The following MED15 variants were observed in gnomAD, a reference collection of about 807,000 sequenced individuals.
MED15 encodes the protein mediator complex subunit 15, also known as mediator of RNA polymerase II transcription subunit 15.
MED15 carries 41 observed loss-of-function variants against 118.7 expected under a neutral mutation model. That is an observed-to-expected ratio of 0.35 (90% CI 0.27 to 0.45). The LOEUF (loss-of-function observed/expected upper bound fraction) is 0.45. Ranked by LOEUF, MED15 falls within the 20% of genes least tolerant of loss-of-function variation. The pLI, the probability that MED15 is intolerant of heterozygous loss-of-function variation, is 1.00. For missense variants in MED15, 740 were observed against 1,025.5 expected, an observed-to-expected ratio of 0.72 and a Z score of 3.80; for synonymous variants, 436 against 413.9, an observed-to-expected ratio of 1.05 and a Z score of -0.65.
chr22:20,537,202 C>T lies in MED15; in HGVS notation c.154C>T (p.Arg52Trp). 1.2e-6 allele frequency: 2 copies of T among 1,612,008 alleles called. No homozygotes were observed. The highest frequency in any genetic ancestry group is 1.7e-6 in the Non-Finnish European group (2 of 1,179,226). Residue 52 changes from arginine to tryptophan, a missense_variant and splice_region_variant, in exon 2 of 18, where the codon CGG (arginine) becomes TGG (tryptophan). By Grantham distance (101) the Arg-to-Trp change is moderately radical (BLOSUM62 -3). This residue lies in a region of MED15 where 33 missense variants were observed against 78.2 expected (regional missense o/e 0.42). Transcript: ENST00000263205. ...CCATGTTTTCCTGAAGGCCAAGACC[C>T]GGGTAAGGCCCTAGTAAGTGGAGCC... ...ESHVFLKAKT[R>W]DEYLSLVARL...
At chr22:20,577,064 T>C in intron 9 of MED15, among the ~76,000 whole-genome samples, 1 of 152,194 alleles carries the variant, frequency 6.6e-6, no homozygotes, top group Non-Finnish European at 1.5e-5. Context: ...CCTCACTGTT[T>C]CTTGTTGTAG....
intron 5 of MED15, among the ~76,000 whole-genome samples, chr22:20,555,746 G>T (rs177420): frequency 0.14 from 22,010 of 152,266 alleles, 1,946 homozygotes; most frequent in South Asian, 0.21. Flanking sequence ...TTTTGAGACG[G>T]GGTCTCGCTC....
chr22:20,521,324 T>G (rs2054447113), intron 1 of MED15, among the ~76,000 whole-genome samples: 1 of 151,922 alleles, frequency 6.6e-6, no homozygotes, highest in Admixed American at 6.6e-5. Flanking sequence ...CTCGAACTCC[T>G]GACCTCAGGG....
chr22:20,583,334 A>T lies in MED15; in HGVS notation c.1677A>T (p.Arg559Ser). 1 of 1,612,946 alleles carries T rather than the reference A, an allele frequency of 6.2e-7. No individual in the cohort carries two copies. Among genetic ancestry groups the T allele is most frequent in the Non-Finnish European group, 8.5e-7 (1 of 1,179,848 alleles). Reference sequence around the variant, plus strand: ...GTGTACCCTCTTCTGTCCCAGACAGAAAAAAGGACCTGAGTAAGATGAAGA... The same window carrying T: ...GTGTACCCTCTTCTGTCCCAGACAGTAAAAAGGACCTGAGTAAGATGAAGA... ...MINKIDKNED[R>S]KKDLSKMKSL... Residue 559 changes from arginine to serine, a missense_variant, in exon 13 of 18, where the codon AGA becomes AGT. Arg to Ser is a moderately radical substitution (Grantham distance 110, BLOSUM62 -1). This residue lies in a region of MED15 where 384 missense variants were observed against 506.3 expected (regional missense o/e 0.76). Coordinates refer to ENST00000263205, the MANE Select transcript of MED15 (RefSeq NM_001003891.3).
chr22:20,560,062 G>A (rs1569220755), intron 5 of MED15, among the ~76,000 whole-genome samples: 1 of 152,102 alleles, frequency 6.6e-6, no homozygotes, highest in East Asian at 1.9e-4. Flanking sequence ...TGCGTAATGG[G>A]TGGAGACCAG....
rs763547842 is a variant in MED15, at chr22:20,566,788, A to G, written c.1012A>G (p.Met338Val). 11 of 1,614,064 alleles carry G rather than the reference A, an allele frequency of 6.8e-6. No homozygotes were observed. Among genetic ancestry groups the G allele is most frequent in the South Asian group, 2.2e-5 (2 of 91,088 alleles). The change falls in exon 7 of 18, where the codon ATG becomes GTG. Residue 338 changes from methionine to valine, a missense_variant. Physicochemically the swap from Met to Val is conservative, Grantham distance 21 (BLOSUM62 1). Around this residue, in one of 7 missense-constraint regions of MED15, gnomAD observed 384 missense variants for 506.3 expected, o/e 0.76. Transcript: ENST00000263205. ...ACAGGCGCAAGCTCTCCCTGGACAA[A>G]TGTTGTATACCCAACCACCACTGAA... Reference protein sequence around the residue: ...VSQAQALPGQMLYTQPPLKFV... With the variant: ...VSQAQALPGQVLYTQPPLKFV...
At chr22:20,534,542 A>G (rs1200391441) in intron 1 of MED15, among the ~76,000 whole-genome samples, 1 of 151,834 alleles carries the variant, frequency 6.6e-6, no homozygotes, top group Non-Finnish European at 1.5e-5. Context: ...GAAGAAAAAG[A>G]AAAAAGGAAG....
At chr22:20,568,695 G>A (rs1383194317) in intron 8 of MED15, 64 bp downstream of exon 8, 3 of 1,570,518 alleles carry the variant, frequency 1.9e-6, no homozygotes, top group Non-Finnish European at 1.7e-6. Flanking sequence ...TGCGCATGTA[G>A]TGCTACAGTG....
In MED15 at chr22:20,558,341, G is replaced by A. The variant is rs555835151; in HGVS notation, c.451+3193G>A. Among the ~76,000 whole-genome samples, 167 of 152,242 alleles carry A rather than the reference G, an allele frequency of 1.1e-3. 1 individual carries two copies. Among genetic ancestry groups the A allele is most frequent in the South Asian group, 3.1e-3 (15 of 4,810 alleles). ...CACCAAGAGGACAGAGCCTGGGTCA[G>A]AGGTTTTGCCAGGGACTCTCAAAGG... is the stretch of plus-strand genomic sequence containing the variant. On this transcript the variant is annotated intron_variant, in intron 5 of 17. Coordinates refer to ENST00000263205, the MANE Select transcript of MED15 (RefSeq NM_001003891.3).
At position 20,571,695 on chromosome 22, in the gene MED15, G is replaced by A. The variant is rs375141976; in HGVS notation, c.1152+3064G>A. The stretch of plus-strand genomic sequence containing the variant: ...CGCCCCCTGCTGGGGGATGGGGAGG[G>A]TTGGGCACAGCAAGCCCTCTGAGGG... On this transcript the variant is annotated intron_variant, in intron 8 of 17. Transcript: ENST00000263205. 1.4e-4 allele frequency among the ~76,000 whole-genome samples: 22 copies of A among 152,354 alleles called. 1 individual carries two copies. Among genetic ancestry groups the A allele is most frequent in the African/African-American group, 5.3e-4 (22 of 41,584 alleles).
intron 2 of MED15, among the ~76,000 whole-genome samples, chr22:20,549,061 A>C (rs2055669614): frequency 6.6e-6 from 1 of 152,182 alleles, no homozygotes. Context: ...TTGGCTTCCC[A>C]AAATGTTGGA....
At chr22:20,560,148 GTGAAAAGGT>G (rs2056176652) in intron 5 of MED15, among the ~76,000 whole-genome samples, 1 of 152,180 alleles carries the variant, frequency 6.6e-6, no homozygotes, top group Non-Finnish European at 1.5e-5. Context: ...AGTGTCAGTA[GTGAAAAGGT>G]TGAAAATCGC....
intron 7 of MED15, among the ~76,000 whole-genome samples, chr22:20,567,617 A>C (rs2056489724): frequency 1.3e-5 from 2 of 152,202 alleles, no homozygotes. Flanking sequence ...GGGACTGTGC[A>C]GACTGAAACC....
At chr22:20,520,926 G>A (rs1178599824) in intron 1 of MED15, among the ~76,000 whole-genome samples, 1 of 151,684 alleles carries the variant, frequency 6.6e-6, no homozygotes, top group Non-Finnish European at 1.5e-5. Context: ...TTTTTGTAGA[G>A]ATGGGGTTTT....
chr22:20,573,385 A>G (rs2056727801), intron 8 of MED15, among the ~76,000 whole-genome samples: 2 of 152,318 alleles, frequency 1.3e-5, no homozygotes, highest in East Asian at 3.9e-4. Flanking sequence ...ACAGACTCCC[A>G]TTGTGGACAT....
chr22:20,535,470 G>C (rs2055029075), intron 1 of MED15, among the ~76,000 whole-genome samples: 1 of 152,124 alleles, frequency 6.6e-6, no homozygotes, highest in Admixed American at 6.5e-5. Flanking sequence ...ATGCTTTCTA[G>C]CACGAGCTGG....
intron 1 of MED15, among the ~76,000 whole-genome samples, chr22:20,532,766 G>A (rs1240631173): frequency 6.6e-6 from 1 of 152,184 alleles, no homozygotes; most frequent in Non-Finnish European, 1.5e-5. Flanking sequence ...TGCTTATGTT[G>A]GACAGGACTG....
At chr22:20,523,577 C>T (rs912876321) in intron 1 of MED15, 23 of 868,108 alleles carry the variant, frequency 2.6e-5, no homozygotes, top group South Asian at 5.3e-5. Context: ...CGAGCTTCCC[C>T]ACCCCCACCA....
intron 8 of MED15, 81 bp downstream of exon 8, chr22:20,568,712 C>A: frequency 6.5e-7 from 1 of 1,546,312 alleles, no homozygotes; most frequent in Non-Finnish European, 8.7e-7. Context: ...AGTGAGGGTT[C>A]TGGTTGGATT....
Sources: gnomAD v4.1 joint callset for allele counts (sites outside exome capture counted in the v4.1 genomes callset) on GRCh38, gnomAD v4.1.1 for gene constraint, gnomAD v4.1.1 regional missense constraint, MANE v1.5 for transcripts, NCBI Gene and HGNC (gene_info 2026-07-23, HGNC 2026-07-21) for gene names.